GLIS3: variants seen among roughly 807,000 people sequenced by gnomAD.
The protein encoded by GLIS3 is zinc finger protein GLIS3.
In GLIS3, 53 loss-of-function variants were observed where a neutral mutation model predicts 78.6. The observed-to-expected ratio is 0.67, with a 90% CI of 0.54 to 0.85. The LOEUF is 0.85. GLIS3 is among the 40% of genes least tolerant of loss of function. GLIS3 has a pLI of 0.00. For synonymous variants in GLIS3, 684 were observed against 509.9 expected (o/e 1.34, Z -4.60); for missense variants, 1,703 against 1,231.1 (o/e 1.38, Z -5.74).
Position 4,096,553 on chromosome 9 carries a change from G to A in GLIS3, c.1710+21215C>T, listed in dbSNP as rs933163031. Among the ~76,000 whole-genome samples, 6 of 152,274 alleles carry A rather than the reference G, an allele frequency of 3.9e-5. No individual in the cohort carries two copies. The South Asian group carries it at 1.2e-3, about 32-fold the overall frequency. On this transcript the variant is annotated intron_variant, in intron 4 of 10. Transcript: ENST00000381971. The stretch of plus-strand genomic sequence containing the variant: ...AATTTACTTAAAGTTAGTGGCTGAA[G>A]GACTAAATTAAAATTACATTTAATC...
chr9:4,061,838 A>G (rs1208399375), intron 4 of GLIS3, among the ~76,000 whole-genome samples: 1 of 152,224 alleles, frequency 6.6e-6, no homozygotes, highest in Non-Finnish European at 1.5e-5. Context: ...CAAGTGAGAA[A>G]TGAGAACTGT....
chr9:3,896,666 C>CAATT (rs1178433497), intron 7 of GLIS3, among the ~76,000 whole-genome samples: 2 of 710 alleles, frequency 2.8e-3, no homozygotes, highest in African/African-American at 8.2e-3. Context: ...ACTCCCATCT[C>CAATT]AATTAAAAAA....
chr9:4,358,641 C>T, the GLIS3 span, among the ~76,000 whole-genome samples: 2 of 152,172 alleles, frequency 1.3e-5, no homozygotes, highest in African/African-American at 4.8e-5. Context: ...AGTCTGTGCA[C>T]CACATTCACA....
chr9:4,484,974 T>C, the GLIS3 span, among the ~76,000 whole-genome samples: 1 of 147,822 alleles, frequency 6.8e-6, no homozygotes, highest in African/African-American at 2.5e-5. Context: ...ATCATCATTA[T>C]TGTAGAACCT....
At chr9:4,171,037 C>G (rs1434857719) in intron 2 of GLIS3, among the ~76,000 whole-genome samples, 2 of 152,152 alleles carry the variant, frequency 1.3e-5, no homozygotes, top group Non-Finnish European at 1.5e-5. Context: ...AAGCTTCTAT[C>G]AAAAGATGAG....
At chr9:4,444,753 C>T in the GLIS3 span, among the ~76,000 whole-genome samples, 2 of 152,208 alleles carry the variant, frequency 1.3e-5, no homozygotes, top group Non-Finnish European at 2.9e-5. Flanking sequence ...CATCCACTCT[C>T]TCTAACTACC....
At chr9:3,880,204 A>G (rs1444498486) in intron 7 of GLIS3, among the ~76,000 whole-genome samples, 1 of 152,306 alleles carries the variant, frequency 6.6e-6, no homozygotes, top group Non-Finnish European at 1.5e-5. Context: ...TCATCAAAGG[A>G]GTCTCTCAAA....
At chr9:4,445,929 C>T in the GLIS3 span, among the ~76,000 whole-genome samples, 2 of 152,220 alleles carry the variant, frequency 1.3e-5, no homozygotes, top group East Asian at 3.8e-4. Context: ...AGGTAGTTTT[C>T]ACCATATCAG....
At chr9:4,228,335 G>C (rs1296055080) in intron 2 of GLIS3, among the ~76,000 whole-genome samples, 1 of 152,094 alleles carries the variant, frequency 6.6e-6, no homozygotes, top group Non-Finnish European at 1.5e-5. Context: ...AGGAGTCGGG[G>C]CTGAGCCGGA....
At position 4,241,852 on chromosome 9, in the gene GLIS3, G is replaced by T. The variant is rs1295361820; in HGVS notation, c.388+44186C>A. On this transcript the variant is annotated intron_variant, in intron 2 of 10. Coordinates refer to ENST00000381971, the MANE Select transcript of GLIS3 (RefSeq NM_001042413.2). Reference sequence around the variant, plus strand: ...CACGTACCACCATGCCCAGCTAGTGGTTTTATTTTTATGTAGAGACGGGGT... The same window carrying T: ...CACGTACCACCATGCCCAGCTAGTGTTTTTATTTTTATGTAGAGACGGGGT... 2.0e-5 allele frequency among the ~76,000 whole-genome samples: 3 copies of T among 151,980 alleles called. No homozygotes were observed. In the East Asian group the frequency reaches 5.8e-4, roughly 29 times the overall value.
At chr9:4,026,821 A>T (rs1009729759) in intron 4 of GLIS3, among the ~76,000 whole-genome samples, 2 of 152,206 alleles carry the variant, frequency 1.3e-5, no homozygotes, top group Non-Finnish European at 2.9e-5. Flanking sequence ...TATTGGCCAA[A>T]CACTGTAAAT....
At chr9:4,234,440 G>C (rs868402456) in intron 2 of GLIS3, among the ~76,000 whole-genome samples, 2 of 152,276 alleles carry the variant, frequency 1.3e-5, no homozygotes, top group South Asian at 4.1e-4. Flanking sequence ...GCACTCTGTG[G>C]AACAGTCAGA....
chr9:4,420,247 C>A, the GLIS3 span, among the ~76,000 whole-genome samples: 1 of 152,164 alleles, frequency 6.6e-6, no homozygotes, highest in Admixed American at 6.5e-5. Flanking sequence ...GAATCAAGTC[C>A]ACTGAGTGCC....
At chr9:3,910,119 C>A (rs1001536145) in intron 6 of GLIS3, among the ~76,000 whole-genome samples, 1 of 152,104 alleles carries the variant, frequency 6.6e-6, no homozygotes, top group Non-Finnish European at 1.5e-5. Context: ...TCAAGTTGAA[C>A]TATAATCTGC....
intron 4 of GLIS3, among the ~76,000 whole-genome samples, chr9:4,004,497 C>T (rs375704620): frequency 3.4e-4 from 52 of 152,260 alleles, no homozygotes; most frequent in African/African-American, 1.2e-3. Context: ...AAAGGAGGAT[C>T]CAGCCAGATA....
intron 4 of GLIS3, among the ~76,000 whole-genome samples, chr9:4,103,163 C>G (rs1469773248): frequency 6.6e-6 from 1 of 152,144 alleles, no homozygotes; most frequent in Non-Finnish European, 1.5e-5. Context: ...AAATTCAACA[C>G]ATAGTACACA....
At chr9:4,109,331 G>A (rs1053990591) in intron 4 of GLIS3, among the ~76,000 whole-genome samples, 4 of 152,204 alleles carry the variant, frequency 2.6e-5, no homozygotes, top group African/African-American at 7.2e-5. Flanking sequence ...TGCAGCCTCT[G>A]TCCACATCTT....
the GLIS3 span, among the ~76,000 whole-genome samples, chr9:4,362,817 C>A: frequency 6.6e-6 from 1 of 152,036 alleles, no homozygotes; most frequent in Non-Finnish European, 1.5e-5. Context: ...GCCAGAGAAC[C>A]CTGCTATCAT....
At chr9:3,830,104 G>T (rs1817960423) in intron 9 of GLIS3, among the ~76,000 whole-genome samples, 1 of 152,102 alleles carries the variant, frequency 6.6e-6, no homozygotes, top group Admixed American at 6.5e-5. Context: ...GAAAATGTTA[G>T]AAAATACAAC....
Sources: allele counts gnomAD v4.1 joint callset (sites outside exome capture counted in the v4.1 genomes callset), GRCh38; gene constraint gnomAD v4.1.1; transcripts MANE v1.5; gene names NCBI Gene and HGNC (gene_info 2026-07-23, HGNC 2026-07-21).